Variants in TSHZ2 observed in about 807,000 individuals in gnomAD.
TSHZ2 encodes the protein teashirt homolog 2.
Under a neutral mutation model 74.4 loss-of-function variants are expected in TSHZ2, and 21 were observed. The ratio of observed to expected loss-of-function variants is 0.28; its 90% CI spans 0.20 to 0.41. TSHZ2 has a LOEUF of 0.41. Ranked by LOEUF, TSHZ2 falls within the 10% of genes least tolerant of loss-of-function variation. TSHZ2 has a pLI of 1.00. For synonymous variants in TSHZ2, 540 were observed against 515.3 expected, an observed-to-expected ratio of 1.05 and a Z score of -0.65; for missense variants, 1,244 against 1,293.5, an observed-to-expected ratio of 0.96 and a Z score of 0.59.
chr20:53,130,779 G>A (rs1303150995), intron 1 of TSHZ2, among the ~76,000 whole-genome samples: 2 of 152,172 alleles, frequency 1.3e-5, no homozygotes, highest in Non-Finnish European at 2.9e-5. Context: ...GAATTCATCG[G>A]CGTTGTTACC....
chr20:53,240,324 G>T (rs1455125574), intron 1 of TSHZ2, among the ~76,000 whole-genome samples: 1 of 152,076 alleles, frequency 6.6e-6, no homozygotes, highest in East Asian at 1.9e-4. Flanking sequence ...GACCTGGGAT[G>T]GGACCAACCT....
chr20:53,218,920 C>T (rs1453195672), intron 1 of TSHZ2, among the ~76,000 whole-genome samples: 2 of 152,170 alleles, frequency 1.3e-5, no homozygotes, highest in Non-Finnish European at 2.9e-5. Flanking sequence ...AGTCTAGTAT[C>T]TGTTAGTCTA....
chr20:53,041,625 C>T (rs1174097533), intron 1 of TSHZ2, among the ~76,000 whole-genome samples: 2 of 152,346 alleles, frequency 1.3e-5, no homozygotes, highest in African/African-American at 4.8e-5. Flanking sequence ...GTCACGCTCA[C>T]TCTTTTAGTT....
intron 1 of TSHZ2, among the ~76,000 whole-genome samples, chr20:53,229,906 A>G (rs111612974): frequency 6.2e-5 from 1 of 16,060 alleles, no homozygotes; most frequent in Non-Finnish European, 1.3e-4. Context: ...GAGGGAGGGG[A>G]AAAAAAGAGA....
intron 2 of TSHZ2, among the ~76,000 whole-genome samples, chr20:53,271,563 C>T (rs1371846497): frequency 6.6e-6 from 1 of 152,202 alleles, no homozygotes; most frequent in Non-Finnish European, 1.5e-5. Flanking sequence ...AAGGCTTAGC[C>T]TCTGCTCACT....
intron 2 of TSHZ2, among the ~76,000 whole-genome samples, chr20:53,352,710 G>C (rs1980694377): frequency 6.6e-6 from 1 of 151,202 alleles, no homozygotes; most frequent in South Asian, 2.1e-4. Flanking sequence ...GGAGGCGGAG[G>C]CTGCAGTGAG....
chr20:53,321,897 G>A (rs945102067), intron 2 of TSHZ2, among the ~76,000 whole-genome samples: 1 of 152,100 alleles, frequency 6.6e-6, no homozygotes, highest in Non-Finnish European at 1.5e-5. Context: ...TTTTCATGGG[G>A]AGTCCCTGTG....
intron 2 of TSHZ2, among the ~76,000 whole-genome samples, chr20:53,331,510 G>T (rs1211612684): frequency 6.6e-6 from 1 of 152,120 alleles, no homozygotes; most frequent in Non-Finnish European, 1.5e-5. Flanking sequence ...TGAGGGGAGA[G>T]GGGAGAGGGC....
chr20:53,405,568 C>T lies in TSHZ2; in HGVS notation c.*9-81576C>T, dbSNP rs896576750. 3.3e-5 allele frequency among the ~76,000 whole-genome samples: 5 copies of T among 152,164 alleles called. No individual in the cohort carries two copies. The East Asian group carries it at 5.8e-4, about 18-fold the overall frequency. ...TCCTAGGTACTATTTTAGTCCTGGT[C>T]AAGGTCATTGTTGCCAAGGTGCCAA... On this transcript the variant is annotated intron_variant, in intron 2 of 2. Coordinates refer to ENST00000371497, the MANE Select transcript of TSHZ2 (RefSeq NM_173485.6).
In TSHZ2 at chr20:53,253,603, G is replaced by A; in HGVS notation, c.145G>A (p.Gly49Arg). Residue 49 changes from glycine (G) to arginine (R), a missense_variant, in exon 2 of 3, where the codon GGG (glycine) becomes AGG (arginine). Coordinates refer to ENST00000371497, the MANE Select transcript of TSHZ2 (RefSeq NM_173485.6). ...TCAACTGCAGGGTGGCAATGACACA[G>A]GGACGGACGAGGAGCTAGAAACGGG... Reference protein sequence around the residue: ...VAQLQGGNDTGTDEELETGPE... With the variant: ...VAQLQGGNDTRTDEELETGPE... The A allele has an allele frequency of 6.2e-7, 1 of 1,614,170 alleles. No homozygotes were observed. Among genetic ancestry groups the A allele is most frequent in the South Asian group, 1.1e-5 (1 of 91,080 alleles).
At chr20:53,071,640 G>A (rs765495124) in intron 1 of TSHZ2, among the ~76,000 whole-genome samples, 4 of 152,274 alleles carry the variant, frequency 2.6e-5, no homozygotes, top group Non-Finnish European at 4.4e-5. Flanking sequence ...ACGGACCTAC[G>A]TGTTCTTGCT....
intron 2 of TSHZ2, among the ~76,000 whole-genome samples, chr20:53,267,291 C>T (rs1174578641): frequency 6.6e-6 from 1 of 152,132 alleles, no homozygotes; most frequent in Admixed American, 6.5e-5. Context: ...TGTCGAGGCT[C>T]CGAGGCCAGT....
intron 2 of TSHZ2, among the ~76,000 whole-genome samples, chr20:53,376,176 G>C (rs758428958): frequency 6.6e-6 from 1 of 152,168 alleles, no homozygotes; most frequent in African/African-American, 2.4e-5. Context: ...AAAGCATAAC[G>C]GACTTGGTGT....
intron 2 of TSHZ2, among the ~76,000 whole-genome samples, chr20:53,297,557 T>C (rs1991402628): frequency 6.6e-6 from 1 of 152,252 alleles, no homozygotes; most frequent in Non-Finnish European, 1.5e-5. Context: ...CACCTGGCCA[T>C]AGAGACTTGA....
chr20:53,295,459 A>G (rs1600795373), intron 2 of TSHZ2, among the ~76,000 whole-genome samples: 2 of 152,210 alleles, frequency 1.3e-5, no homozygotes, highest in East Asian at 3.9e-4. Flanking sequence ...ATAGCTCCTG[A>G]TAATCACTAA....
chr20:53,279,830 C>A (rs1991019977), intron 2 of TSHZ2, among the ~76,000 whole-genome samples: 1 of 152,170 alleles, frequency 6.6e-6, no homozygotes, highest in Admixed American at 6.5e-5. Flanking sequence ...TCCAGGAAGA[C>A]TCCTTTGAGG....
At chr20:53,217,076 T>C (rs1018310878) in intron 1 of TSHZ2, among the ~76,000 whole-genome samples, 16 of 152,182 alleles carry the variant, frequency 1.1e-4, no homozygotes, top group African/African-American at 3.4e-4. Flanking sequence ...TCGCATTACA[T>C]ATTCCAGAAA....
In TSHZ2 at chr20:53,186,415, G is replaced by T. The variant is rs1215928606; in HGVS notation, c.41-67084G>T. 5.3e-5 allele frequency among the ~76,000 whole-genome samples: 8 copies of T among 152,298 alleles called. No individual in the cohort carries two copies. In the South Asian group the frequency reaches 1.2e-3, roughly 24 times the overall value. ...TTCAAAAACCCACTGCAAACGTACTGAATCAGAAACCCTAGGCTTGAAGCT... is the reference window on the plus strand; with the variant it reads ...TTCAAAAACCCACTGCAAACGTACTTAATCAGAAACCCTAGGCTTGAAGCT... On this transcript the variant is annotated intron_variant, in intron 1 of 2. Coordinates refer to ENST00000371497, the MANE Select transcript of TSHZ2 (RefSeq NM_173485.6).
chr20:53,260,114 C>T (rs8125926), intron 2 of TSHZ2, among the ~76,000 whole-genome samples: 1,629 of 151,992 alleles, frequency 0.011, 46 homozygotes, highest in African/African-American at 0.038. Context: ...TTTCATCCTT[C>T]AACAAATACT....
Sources: allele counts gnomAD v4.1 joint callset (sites outside exome capture counted in the v4.1 genomes callset), GRCh38; gene constraint gnomAD v4.1.1; transcripts MANE v1.5; gene names NCBI Gene and HGNC (gene_info 2026-07-23, HGNC 2026-07-21).